The following TTC28 variants were observed in gnomAD, a reference collection of about 807,000 sequenced individuals.
The protein encoded by TTC28 is tetratricopeptide repeat domain 28.
A neutral mutation model predicts 198.0 loss-of-function variants in TTC28; 61 were observed. The observed-to-expected ratio is 0.31, with a 90% CI of 0.25 to 0.38. The LOEUF (loss-of-function observed/expected upper bound fraction) is 0.38. TTC28 is among the 10% of genes least tolerant of loss of function. The pLI is 1.00. For synonymous variants in TTC28, 1,171 were observed against 1,297.8 expected (o/e 0.90, Z 2.10); for missense variants, 2,678 against 3,164.0 (o/e 0.85, Z 3.69).
intron 5 of TTC28, among the ~76,000 whole-genome samples, chr22:28,284,225 T>C (rs1238221979): frequency 2.0e-5 from 3 of 152,122 alleles, no homozygotes; most frequent in Non-Finnish European, 2.9e-5. Flanking sequence ...GATAAATGGA[T>C]GAGATTATTA....
rs1937028778 is a variant in TTC28, at chr22:27,981,712, G to T, written c.*509C>A. 6.6e-6 allele frequency: 1 copy of T among 152,470 alleles called. No homozygotes were observed. The highest frequency in any genetic ancestry group is 1.5e-5 in the Non-Finnish European group (1 of 68,330). 9.4% of individuals were successfully genotyped at this position (152,470 alleles called of 1,614,324 possible). On this transcript the variant is annotated 3_prime_UTR_variant, in exon 23 of 23. Coordinates refer to ENST00000397906, the MANE Select transcript of TTC28 (RefSeq NM_001145418.2). The stretch of plus-strand genomic sequence containing the variant: ...TTGGCATTTTAAAAACCATTTTTCT[G>T]TTTTTGGCTAATATAACACTTTCCT...
chr22:28,619,838 G>C (rs553393096), intron 2 of TTC28, among the ~76,000 whole-genome samples: 4 of 152,062 alleles, frequency 2.6e-5, no homozygotes, highest in Non-Finnish European at 5.9e-5. Context: ...GTAAAGCCAG[G>C]GTGGAAAAAT....
Position 28,173,053 on chromosome 22 carries a change from G to C in TTC28, c.934-9454C>G, listed in dbSNP as rs571862713. Among the ~76,000 whole-genome samples the C allele has an allele frequency of 4.4e-4, 67 of 152,214 alleles. 1 individual carries two copies. Among genetic ancestry groups the C allele is most frequent in the Admixed American group, 6.5e-4 (10 of 15,288 alleles). Reference sequence around the variant, plus strand: ...ATGTTTTATGATTGCAAGACGGCTAGGCTGAGTTCTGCTACCAAGCAGAAG... The same window carrying C: ...ATGTTTTATGATTGCAAGACGGCTACGCTGAGTTCTGCTACCAAGCAGAAG... On this transcript the variant is annotated intron_variant, in intron 5 of 22. Coordinates refer to ENST00000397906, the MANE Select transcript of TTC28 (RefSeq NM_001145418.2).
intron 2 of TTC28, among the ~76,000 whole-genome samples, chr22:28,556,507 G>T (rs2049788863): frequency 6.6e-6 from 1 of 152,166 alleles, no homozygotes; most frequent in South Asian, 2.1e-4. Flanking sequence ...CAGTCCAAGT[G>T]TTGTTACTCT....
At chr22:28,465,176 C>CACA (rs1463972975) in intron 2 of TTC28, among the ~76,000 whole-genome samples, 1 of 152,198 alleles carries the variant, frequency 6.6e-6, no homozygotes, top group Non-Finnish European at 1.5e-5. Context: ...CTTCCTAAAA[C>CACA]ACAATCAGGA....
intron 6 of TTC28, among the ~76,000 whole-genome samples, chr22:28,133,390 C>T (rs566592353): frequency 1.4e-4 from 21 of 152,186 alleles, no homozygotes; most frequent in African/African-American, 3.6e-4. Flanking sequence ...GCCCACCGGG[C>T]GTGAGCTGAA....
intron 5 of TTC28, among the ~76,000 whole-genome samples, chr22:28,166,680 G>A (rs866896166): frequency 1.7e-4 from 26 of 152,320 alleles, no homozygotes; most frequent in Admixed American, 6.5e-4. Flanking sequence ...GCAGTGTGAA[G>A]AGGGAAATTT....
intron 2 of TTC28, among the ~76,000 whole-genome samples, chr22:28,347,514 G>A (rs2045923625): frequency 6.6e-6 from 1 of 152,140 alleles, no homozygotes; most frequent in Admixed American, 6.6e-5. Context: ...AAAGCCCTGA[G>A]ATCACCGCGT....
At chr22:28,299,719 CTT>C (rs1340103373) in intron 3 of TTC28, among the ~76,000 whole-genome samples, 1 of 152,114 alleles carries the variant, frequency 6.6e-6, no homozygotes, top group Non-Finnish European at 1.5e-5. Context: ...GTTGAAAAGA[CTT>C]TTAAAATATG....
intron 2 of TTC28, among the ~76,000 whole-genome samples, chr22:28,416,652 T>C (rs928100519): frequency 1.4e-5 from 2 of 138,152 alleles, no homozygotes; most frequent in Non-Finnish European, 3.4e-5. Flanking sequence ...CCAACATGAC[T>C]TGGCTCAGTT....
At chr22:28,048,327 C>T (rs1009379200) in intron 12 of TTC28, among the ~76,000 whole-genome samples, 12 of 152,202 alleles carry the variant, frequency 7.9e-5, no homozygotes, top group Middle Eastern at 3.4e-3. Flanking sequence ...GACAAACATG[C>T]CTCTAGCACA....
intron 6 of TTC28, among the ~76,000 whole-genome samples, chr22:28,124,198 G>GTTGTTGTTTGTTT (rs549703121): frequency 2.7e-4 from 38 of 138,268 alleles, no homozygotes; most frequent in African/African-American, 9.9e-4. Flanking sequence ...TGTTGTTGTT[G>GTTGTTGTTTGTTT]TTTGTTTTTT....
intron 2 of TTC28, among the ~76,000 whole-genome samples, chr22:28,416,800 C>G (rs540128865): frequency 2.0e-5 from 3 of 152,114 alleles, no homozygotes; most frequent in Admixed American, 6.5e-5. Context: ...TTAAACAAAA[C>G]CACAAGACTA....
intron 21 of TTC28, among the ~76,000 whole-genome samples, chr22:27,988,958 G>A (rs1046730868): frequency 1.3e-5 from 2 of 152,194 alleles, no homozygotes; most frequent in African/African-American, 4.8e-5. Context: ...AGGATGGTAG[G>A]AATTTAGTCT....
intron 2 of TTC28, among the ~76,000 whole-genome samples, chr22:28,503,384 AC>A (rs1399040837): frequency 4.6e-5 from 7 of 152,226 alleles, no homozygotes; most frequent in Non-Finnish European, 1.0e-4. Flanking sequence ...GGATATATGT[AC>A]CATGGGTTTT....
rs748746445 is a variant in TTC28, at chr22:28,163,124, C to T, written c.1409G>A (p.Arg470Gln). 19 of 1,551,376 alleles carry T rather than the reference C, an allele frequency of 1.2e-5. No homozygotes were observed. Among genetic ancestry groups the T allele is most frequent in the African/African-American group, 4.1e-5 (3 of 73,030 alleles). The change falls in exon 6 of 23, where the codon CGG becomes CAG. Residue 470 changes from arginine to glutamine, a missense_variant. By Grantham distance (43) the Arg-to-Gln change is conservative (BLOSUM62 1). This residue lies in a region of TTC28 where 775 missense variants were observed against 845.9 expected (regional missense o/e 0.92). Transcript: ENST00000397906. ...GGAGGATGCTCGCCCCTCTGCAGCC[C>T]GGTCCTTGAGATCCTCAGCAATGCC... ...QLGIAEDLKDRAAEGRASSNL... is the reference protein window; with the variant it reads ...QLGIAEDLKDQAAEGRASSNL...
chr22:28,354,122 G>C (rs998473596), intron 2 of TTC28, among the ~76,000 whole-genome samples: 5 of 152,132 alleles, frequency 3.3e-5, no homozygotes, highest in Non-Finnish European at 7.4e-5. Context: ...AAATAGTTTG[G>C]TGTTCCTCAA....
intron 5 of TTC28, among the ~76,000 whole-genome samples, chr22:28,192,967 G>A (rs533858740): frequency 8.5e-5 from 13 of 152,206 alleles, no homozygotes; most frequent in African/African-American, 3.1e-4. Flanking sequence ...CTTGACAAGA[G>A]CAACTCCAAG....
At chr22:28,624,382 A>G (rs982456525) in intron 2 of TTC28, among the ~76,000 whole-genome samples, 1 of 152,122 alleles carries the variant, frequency 6.6e-6, no homozygotes, top group Non-Finnish European at 1.5e-5. Context: ...TGTCTCAAAA[A>G]AAAAAAATCA....
Sources: gnomAD v4.1 joint callset for allele counts (sites outside exome capture counted in the v4.1 genomes callset) on GRCh38, gnomAD v4.1.1 for gene constraint, gnomAD v4.1.1 regional missense constraint, MANE v1.5 for transcripts, NCBI Gene and HGNC (gene_info 2026-07-23, HGNC 2026-07-21) for gene names.